CNTN4: variants seen among roughly 807,000 people sequenced by gnomAD.
The protein encoded by CNTN4 is contactin 4.
Under a neutral mutation model 122.5 loss-of-function variants are expected in CNTN4, and 77 were observed. The ratio of observed to expected loss-of-function variants is 0.63; its 90% CI spans 0.52 to 0.76. The LOEUF is 0.76. Among genes scored for constraint, CNTN4 ranks in the 30% least tolerant of loss-of-function variants. CNTN4 has a pLI of 0.00. For missense variants in CNTN4, 1,256 were observed against 1,259.1 expected (o/e 1.00, Z 0.04); for synonymous variants, 512 against 447.0 (o/e 1.15, Z -1.83).
At chr3:2,232,319 C>CA (rs2039517129) in intron 2 of CNTN4, among the ~76,000 whole-genome samples, 1 of 152,124 alleles carries the variant, frequency 6.6e-6, no homozygotes, top group African/African-American at 2.4e-5. Flanking sequence ...AGTAGTTGAA[C>CA]TTAACAGTCA....
intron 7 of CNTN4, among the ~76,000 whole-genome samples, chr3:2,853,825 C>T (rs2093586489): frequency 1.3e-5 from 2 of 152,170 alleles, no homozygotes; most frequent in African/African-American, 4.8e-5. Flanking sequence ...TCATGTGATC[C>T]TCACTGAACC....
At chr3:2,734,149 C>T (rs901000340) in intron 4 of CNTN4, among the ~76,000 whole-genome samples, 4 of 152,066 alleles carry the variant, frequency 2.6e-5, no homozygotes, top group African/African-American at 9.7e-5. Context: ...CAGCCTTGAT[C>T]CCCCCAGATC....
At chr3:2,182,129 ACTT>A (rs1344503857) in intron 2 of CNTN4, among the ~76,000 whole-genome samples, 1 of 152,132 alleles carries the variant, frequency 6.6e-6, no homozygotes. Context: ...TTTGGACAGT[ACTT>A]CTGAGGTTGG....
At chr3:2,643,247 C>G (rs974301442) in intron 4 of CNTN4, among the ~76,000 whole-genome samples, 1 of 152,172 alleles carries the variant, frequency 6.6e-6, no homozygotes, top group Non-Finnish European at 1.5e-5. Flanking sequence ...TATCTCAGCT[C>G]ACTGCAACCT....
At chr3:2,759,074 G>A (rs763978592) in intron 6 of CNTN4, among the ~76,000 whole-genome samples, 1 of 152,048 alleles carries the variant, frequency 6.6e-6, no homozygotes, top group Non-Finnish European at 1.5e-5. Flanking sequence ...AAATGAAATC[G>A]TAATATATGT....
chr3:3,031,770 C>T (rs2125682018), intron 16 of CNTN4, among the ~76,000 whole-genome samples: 1 of 152,278 alleles, frequency 6.6e-6, no homozygotes, highest in South Asian at 2.1e-4. Flanking sequence ...AAAATAGAGG[C>T]CAATCCAGAC....
At chr3:2,680,620 A>G (rs927325943) in intron 4 of CNTN4, among the ~76,000 whole-genome samples, 1 of 152,232 alleles carries the variant, frequency 6.6e-6, no homozygotes, top group Non-Finnish European at 1.5e-5. Flanking sequence ...TTAACGGTCT[A>G]CACACATAAT....
At position 2,736,318 on chromosome 3, in the gene CNTN4, A is replaced by C; in HGVS notation, c.159A>C (p.Lys53Asn). The C allele has an allele frequency of 6.2e-7, 1 of 1,613,810 alleles. No individual in the cohort carries two copies. The highest frequency in any genetic ancestry group is 8.5e-7 in the Non-Finnish European group (1 of 1,179,788). ...AAGTGAAGCTCAATTGTGAAGTTAA[A>C]GGAAATCCAAAACCTCATATCAGGT... ...EKKVKLNCEV[K>N]GNPKPHIRWK... Residue 53 changes from lysine (K) to asparagine (N), a missense_variant, in exon 5 of 25, where the codon AAA becomes AAC. Coordinates refer to ENST00000418658, the MANE Select transcript of CNTN4 (RefSeq NM_175607.3).
At chr3:2,963,578 T>G (rs1419045203) in intron 13 of CNTN4, among the ~76,000 whole-genome samples, 1 of 152,142 alleles carries the variant, frequency 6.6e-6, no homozygotes, top group Non-Finnish European at 1.5e-5. Flanking sequence ...ATTCTTTGTC[T>G]GACCACTACT....
At chr3:2,699,286 T>C (rs972834380) in intron 4 of CNTN4, among the ~76,000 whole-genome samples, 1 of 152,194 alleles carries the variant, frequency 6.6e-6, no homozygotes, top group Non-Finnish European at 1.5e-5. Context: ...TGTGTTTTTG[T>C]GATGGTTTCA....
intron 12 of CNTN4, among the ~76,000 whole-genome samples, chr3:2,924,385 T>C (rs1303084041): frequency 1.3e-5 from 2 of 152,092 alleles, no homozygotes; most frequent in Non-Finnish European, 2.9e-5. Context: ...TATTTCAATT[T>C]TACATTCAAC....
chr3:2,397,057 A>T (rs2046667939), intron 3 of CNTN4, among the ~76,000 whole-genome samples: 1 of 152,206 alleles, frequency 6.6e-6, no homozygotes, highest in South Asian at 2.1e-4. Context: ...GAGTTGTTTC[A>T]TAGATGCTAA....
chr3:2,497,001 C>T (rs971609143), intron 3 of CNTN4, among the ~76,000 whole-genome samples: 4 of 152,232 alleles, frequency 2.6e-5, no homozygotes, highest in Non-Finnish European at 5.9e-5. Flanking sequence ...CTTCTTCAGC[C>T]TTTTTGTTCT....
chr3:2,352,553 A>T (rs886380485), intron 3 of CNTN4, among the ~76,000 whole-genome samples: 1 of 152,122 alleles, frequency 6.6e-6, no homozygotes, highest in Non-Finnish European at 1.5e-5. Context: ...GGCGGAGGGG[A>T]TGCCAGGTTC....
chr3:2,669,755 C>T (rs946460460), intron 4 of CNTN4, among the ~76,000 whole-genome samples: 2 of 152,216 alleles, frequency 1.3e-5, no homozygotes, highest in Non-Finnish European at 2.9e-5. Context: ...CCTCTACACA[C>T]TCCTTTAAAT....
chr3:2,229,446 A>G (rs1288042418), intron 2 of CNTN4, among the ~76,000 whole-genome samples: 1 of 152,206 alleles, frequency 6.6e-6, no homozygotes, highest in Non-Finnish European at 1.5e-5. Flanking sequence ...CATAAAAGTC[A>G]TGAGGCTTCT....
chr3:2,555,380 T>C (rs181634485), intron 3 of CNTN4, among the ~76,000 whole-genome samples: 38 of 152,312 alleles, frequency 2.5e-4, no homozygotes, highest in African/African-American at 7.9e-4. Context: ...GTTCAACATA[T>C]ATTTACCATG....
intron 2 of CNTN4, among the ~76,000 whole-genome samples, chr3:2,259,476 A>G (rs1024920028): frequency 6.6e-6 from 1 of 152,194 alleles, no homozygotes; most frequent in African/African-American, 2.4e-5. Context: ...CGCTGCTGAT[A>G]AAGACATACC....
chr3:2,639,809 A>G (rs964680265), intron 4 of CNTN4, among the ~76,000 whole-genome samples: 3 of 152,230 alleles, frequency 2.0e-5, no homozygotes, highest in African/African-American at 7.2e-5. Flanking sequence ...CTCACCAGCT[A>G]TCTGGCCTTG....
Sources: gnomAD v4.1 joint callset for allele counts (sites outside exome capture counted in the v4.1 genomes callset) on GRCh38, gnomAD v4.1.1 for gene constraint, MANE v1.5 for transcripts, NCBI Gene and HGNC (gene_info 2026-07-23, HGNC 2026-07-21) for gene names.